Variants in RNF11 observed in about 807,000 individuals in gnomAD.
RNF11 encodes ring finger protein 11.
Under a neutral mutation model 15.8 loss-of-function variants are expected in RNF11, and 4 were observed. That is an observed-to-expected ratio of 0.25 (90% CI 0.12 to 0.58). The LOEUF (loss-of-function observed/expected upper bound fraction) is 0.58, where lower values mean the gene tolerates loss of function less well. Ranked by LOEUF, RNF11 falls within the 20% of genes least tolerant of loss-of-function variation. RNF11 has a pLI of 0.91. For missense variants in RNF11, 139 were observed against 194.4 expected, an observed-to-expected ratio of 0.71 and a Z score of 1.70; for synonymous variants, 68 against 72.3, an observed-to-expected ratio of 0.94 and a Z score of 0.30.
At chr1:51,267,887 C>T (rs1356929423) in intron 1 of RNF11, among the ~76,000 whole-genome samples, 3 of 152,144 alleles carry the variant, frequency 2.0e-5, no homozygotes, top group South Asian at 2.1e-4. Flanking sequence ...TGCACCACCA[C>T]GCCCAGCTAA....
intron 1 of RNF11, among the ~76,000 whole-genome samples, chr1:51,244,955 A>T (rs925438136): frequency 6.6e-6 from 1 of 152,214 alleles, no homozygotes; most frequent in African/African-American, 2.4e-5. Context: ...GGTACATAAG[A>T]TCTGAGCACT....
At chr1:51,259,653 A>G (rs1417733082) in intron 1 of RNF11, among the ~76,000 whole-genome samples, 1 of 152,158 alleles carries the variant, frequency 6.6e-6, no homozygotes, top group Non-Finnish European at 1.5e-5. Context: ...ATATGTTTTG[A>G]TTTTTGGTCA....
chr1:51,268,147 G>A (rs901318456), intron 1 of RNF11, among the ~76,000 whole-genome samples: 2 of 152,186 alleles, frequency 1.3e-5, no homozygotes, highest in African/African-American at 4.8e-5. Flanking sequence ...ATCAGTGGCT[G>A]TCTAGTTATG....
chr1:51,248,786 A>G (rs1646864158), intron 1 of RNF11, among the ~76,000 whole-genome samples: 1 of 152,208 alleles, frequency 6.6e-6, no homozygotes, highest in Non-Finnish European at 1.5e-5. Flanking sequence ...AATAAAAACA[A>G]CAGAGCTGCC....
At chr1:51,237,442 G>GTGTATATATATATATATATATATGTATA (rs142160954) in intron 1 of RNF11, among the ~76,000 whole-genome samples, 3 of 140,510 alleles carry the variant, frequency 2.1e-5, no homozygotes, top group African/African-American at 7.8e-5. Context: ...ATATATATGT[G>GTGTATATATATATATATATATATGTATA]TATATATATA....
chr1:51,262,546 TTTTGTTTG>T (rs372272147), intron 1 of RNF11, among the ~76,000 whole-genome samples: 61 of 152,074 alleles, frequency 4.0e-4, no homozygotes, highest in African/African-American at 1.3e-3. Flanking sequence ...TTGGGCTTTT[TTTTGTTTG>T]TTTGTTTGTT....
At chr1:51,254,907 T>C (rs1030972527) in intron 1 of RNF11, among the ~76,000 whole-genome samples, 1 of 152,154 alleles carries the variant, frequency 6.6e-6, no homozygotes, top group Non-Finnish European at 1.5e-5. Flanking sequence ...AGCACATAAG[T>C]ATATGCTGGC....
intron 1 of RNF11, among the ~76,000 whole-genome samples, chr1:51,241,149 G>A (rs562221194): frequency 6.6e-6 from 1 of 152,042 alleles, no homozygotes; most frequent in East Asian, 1.9e-4. Flanking sequence ...AATAGAGACA[G>A]GGTCTCATTA....
intron 1 of RNF11, among the ~76,000 whole-genome samples, chr1:51,266,670 C>A (rs1022990275): frequency 1.3e-5 from 2 of 152,088 alleles, no homozygotes; most frequent in African/African-American, 4.8e-5. Context: ...ACCATGTTGC[C>A]CAGGCTGGTC....
intron 1 of RNF11, among the ~76,000 whole-genome samples, chr1:51,240,741 G>GT (rs113344843): frequency 0.016 from 2,385 of 151,392 alleles, 60 homozygotes; most frequent in African/African-American, 0.054. Context: ...TGTAGATCAG[G>GT]TTTTTTTTTG....
At chr1:51,264,630 C>T (rs1334886836) in intron 1 of RNF11, among the ~76,000 whole-genome samples, 1 of 152,156 alleles carries the variant, frequency 6.6e-6, no homozygotes, top group East Asian at 1.9e-4. Context: ...AGAGCTGGCT[C>T]TTATTTCCTA....
At chr1:51,260,776 AC>A (rs766173839) in intron 1 of RNF11, among the ~76,000 whole-genome samples, 36 of 152,156 alleles carry the variant, frequency 2.4e-4, no homozygotes, top group Non-Finnish European at 4.6e-4. Context: ...ATGTTGGAAA[AC>A]CAGATACTCA....
chr1:51,241,236 C>T (rs993711818), intron 1 of RNF11, among the ~76,000 whole-genome samples: 1 of 152,198 alleles, frequency 6.6e-6, no homozygotes, highest in African/African-American at 2.4e-5. Context: ...TACAGGTGCA[C>T]TTCTACTCTG....
rs756422167 is a variant in RNF11, at chr1:51,236,804, T to A, written c.48T>A (p.Leu16=). The change falls in exon 1 of 3, where the codon CTT becomes CTA. Residue 16 remains leucine, a synonymous_variant. Coordinates refer to ENST00000242719, the MANE Select transcript of RNF11 (RefSeq NM_014372.5). ...CCACCTCGGATGACATCTCCCTGCT[T>A]CACGAGTCTCAGTCCGACCGGGCTA... ...KSPTSDDISL[L]HESQSDRASF... The A allele has an allele frequency of 6.2e-7, 1 of 1,612,892 alleles. No homozygotes were observed. The highest frequency in any genetic ancestry group is 2.2e-5 in the East Asian group (1 of 44,708).
intron 1 of RNF11, chr1:51,250,782 A>G (rs1569663307): frequency 7.0e-7 from 1 of 1,431,252 alleles, no homozygotes; most frequent in Non-Finnish European, 9.7e-7. Context: ...GAAGTTGCCC[A>G]GGGTGGCAGT....
chr1:51,239,317 T>C (rs551721586), intron 1 of RNF11, among the ~76,000 whole-genome samples: 3 of 152,336 alleles, frequency 2.0e-5, no homozygotes, highest in East Asian at 3.9e-4. Context: ...TTTGGTGTCA[T>C]GAAGGAACTT....
intron 1 of RNF11, among the ~76,000 whole-genome samples, chr1:51,264,653 A>T (rs1287247730): frequency 6.6e-6 from 1 of 152,168 alleles, no homozygotes. Context: ...GGAGGAAAAG[A>T]TACCGCTTTT....
Position 51,237,505 on chromosome 1 carries a change from T to TA in RNF11, c.123+626_123+627insA, listed in dbSNP as rs562891924. Among the ~76,000 whole-genome samples, 253 of 150,792 alleles carry TA rather than the reference T, an allele frequency of 1.7e-3. 1 individual carries two copies. Among genetic ancestry groups the TA allele is most frequent in the South Asian group, 0.012 (56 of 4,806 alleles). ...CCCTCCTCTTTTTGCTCCACCCATA[T>TA]GACACACCTTTTAAACGTGCTGACT... On this transcript the variant is annotated intron_variant, in intron 1 of 2. Coordinates refer to ENST00000242719, the MANE Select transcript of RNF11 (RefSeq NM_014372.5).
At chr1:51,264,765 C>T (rs1646947569) in intron 1 of RNF11, among the ~76,000 whole-genome samples, 1 of 152,168 alleles carries the variant, frequency 6.6e-6, no homozygotes, top group Non-Finnish European at 1.5e-5. Flanking sequence ...CACTTCCCCA[C>T]TGCATTGTTT....
Sources: gnomAD v4.1 joint callset for allele counts (sites outside exome capture counted in the v4.1 genomes callset) on GRCh38, gnomAD v4.1.1 for gene constraint, MANE v1.5 for transcripts, NCBI Gene and HGNC (gene_info 2026-07-23, HGNC 2026-07-21) for gene names.